CDH18: variants seen among roughly 807,000 people sequenced by gnomAD.
CDH18 encodes the protein cadherin 18, also known as cadherin-18.
A neutral mutation model predicts 67.9 loss-of-function variants in CDH18; 31 were observed. The observed-to-expected ratio is 0.46, with a 90% confidence interval of 0.34 to 0.62. The LOEUF (loss-of-function observed/expected upper bound fraction) is 0.62, where lower values mean the gene tolerates loss of function less well. Among genes scored for constraint, CDH18 ranks in the 20% least tolerant of loss-of-function variants. CDH18 has a pLI of 0.01. For synonymous variants in CDH18, 362 were observed against 347.2 expected (o/e 1.04, Z -0.48); for missense variants, 890 against 975.5 (o/e 0.91, Z 1.17).
intron 1 of CDH18, among the ~76,000 whole-genome samples, chr5:20,302,430 G>C (rs1407212248): frequency 2.0e-5 from 3 of 152,058 alleles, no homozygotes; most frequent in Non-Finnish European, 4.4e-5. Flanking sequence ...TTCCTCCCTA[G>C]GTGCCTACTA....
chr5:19,668,058 T>C (rs536679821), intron 5 of CDH18, among the ~76,000 whole-genome samples: 1 of 152,168 alleles, frequency 6.6e-6, no homozygotes, highest in South Asian at 2.1e-4. Flanking sequence ...TCATAGTCAG[T>C]ATACATATTT....
At chr5:20,058,198 G>A (rs1207011367) in intron 2 of CDH18, among the ~76,000 whole-genome samples, 2 of 152,046 alleles carry the variant, frequency 1.3e-5, no homozygotes, top group Non-Finnish European at 2.9e-5. Context: ...TAGTACTCTA[G>A]AATTGTATTA....
intron 2 of CDH18, among the ~76,000 whole-genome samples, chr5:19,915,563 A>G (rs769770123): frequency 2.6e-5 from 4 of 152,158 alleles, no homozygotes; most frequent in Non-Finnish European, 4.4e-5. Flanking sequence ...TTTGAATGTT[A>G]TATATTTCTA....
chr5:20,388,523 C>T (rs1297938848), intron 1 of CDH18, among the ~76,000 whole-genome samples: 3 of 152,068 alleles, frequency 2.0e-5, no homozygotes, highest in African/African-American at 7.2e-5. Flanking sequence ...AAACCAGCTC[C>T]TAGATTCCTT....
At chr5:19,986,365 T>C (rs534477396) in intron 1 of CDH18, among the ~76,000 whole-genome samples, 1 of 152,322 alleles carries the variant, frequency 6.6e-6, no homozygotes, top group African/African-American at 2.4e-5. Flanking sequence ...ACTATTATAT[T>C]CTCCTTTGCT....
At chr5:19,566,329 G>A (rs1048742964) in intron 8 of CDH18, among the ~76,000 whole-genome samples, 33 of 152,174 alleles carry the variant, frequency 2.2e-4, no homozygotes, top group Non-Finnish European at 1.5e-5. Flanking sequence ...TTTCTTAAAA[G>A]CTAAACATAG....
At chr5:20,304,632 G>A (rs566586781) in intron 1 of CDH18, 3 of 1,611,906 alleles carry the variant, frequency 1.9e-6, no homozygotes, top group Non-Finnish European at 1.7e-6. Flanking sequence ...CTTTCTTGCC[G>A]AAATTAAATG....
intron 5 of CDH18, among the ~76,000 whole-genome samples, chr5:19,621,870 G>T (rs1750774509): frequency 6.6e-6 from 1 of 152,162 alleles, no homozygotes; most frequent in African/African-American, 2.4e-5. Context: ...AGTAAATAAT[G>T]CAGCCAGTAA....
intron 2 of CDH18, among the ~76,000 whole-genome samples, chr5:20,151,022 A>C (rs1751052645): frequency 6.6e-6 from 1 of 151,534 alleles, no homozygotes; most frequent in Middle Eastern, 3.4e-3. Flanking sequence ...TTTTTATTTC[A>C]ATTTTTTTTT....
rs1737639120 is a variant in CDH18 at position 19,471,402 on chromosome 5, T to C, written c.*1824A>G. Among the ~76,000 whole-genome samples, 1 of 152,124 alleles carries C rather than the reference T, an allele frequency of 6.6e-6. No homozygotes were observed. The highest frequency in any genetic ancestry group is 1.5e-5 in the Non-Finnish European group (1 of 68,008). ...TCCCATACCTCAAATTATAATATGA[T>C]AGCACAGGGCAATTGCAAACAGAGG... On this transcript the variant is annotated 3_prime_UTR_variant, in exon 13 of 13. Transcript: ENST00000382275.
At chr5:19,620,740 A>G (rs1324883832) in intron 5 of CDH18, among the ~76,000 whole-genome samples, 1 of 152,060 alleles carries the variant, frequency 6.6e-6, no homozygotes, top group Admixed American at 6.6e-5. Flanking sequence ...TTAGTATTCA[A>G]TGTGATCTGT....
chr5:20,519,477 G>T (rs1361283391), intron 1 of CDH18, among the ~76,000 whole-genome samples: 1 of 152,100 alleles, frequency 6.6e-6, no homozygotes, highest in African/African-American at 2.4e-5. Context: ...TTGTGGAGTG[G>T]GAGGAGAGGG....
intron 9 of CDH18, among the ~76,000 whole-genome samples, chr5:19,523,539 TAGG>T (rs907012058): frequency 1.0e-5 from 1 of 100,470 alleles, no homozygotes; most frequent in African/African-American, 5.1e-5. Flanking sequence ...CAACAGTTAA[TAGG>T]AGATAATATA....
At chr5:19,959,597 T>C (rs1375702144) in intron 2 of CDH18, among the ~76,000 whole-genome samples, 1 of 152,126 alleles carries the variant, frequency 6.6e-6, no homozygotes, top group Non-Finnish European at 1.5e-5. Context: ...TTATCTCTAA[T>C]GTTCTGTTAC....
At chr5:19,557,656 A>T (rs932260624) in intron 8 of CDH18, among the ~76,000 whole-genome samples, 5 of 152,058 alleles carry the variant, frequency 3.3e-5, no homozygotes, top group Non-Finnish European at 5.9e-5. Context: ...AGTTACTACT[A>T]AACCAAAGAA....
At chr5:19,557,838 A>G in intron 8 of CDH18, among the ~76,000 whole-genome samples, 1 of 152,250 alleles carries the variant, frequency 6.6e-6, no homozygotes, top group East Asian at 1.9e-4. Flanking sequence ...ACTGCAGAAT[A>G]TTCATTCTAT....
At chr5:19,639,111 TCC>T (rs1753669732) in intron 5 of CDH18, among the ~76,000 whole-genome samples, 1 of 150,810 alleles carries the variant, frequency 6.6e-6, no homozygotes, top group Non-Finnish European at 1.5e-5. Flanking sequence ...CACGCCATTC[TCC>T]TGGCTCAGCT....
intron 11 of CDH18, among the ~76,000 whole-genome samples, chr5:19,489,458 AG>A (rs751639951): frequency 1.3e-5 from 2 of 152,020 alleles, no homozygotes; most frequent in Non-Finnish European, 2.9e-5. Flanking sequence ...CATGTTGGCC[AG>A]GCTGGTCTCA....
intron 2 of CDH18, among the ~76,000 whole-genome samples, chr5:20,122,402 CA>C (rs1364141638): frequency 6.6e-6 from 1 of 152,092 alleles, no homozygotes; most frequent in East Asian, 1.9e-4. Flanking sequence ...TAATGATCCA[CA>C]AAATGTTATG....
Sources: gnomAD v4.1 joint callset for allele counts (sites outside exome capture counted in the v4.1 genomes callset) on GRCh38, gnomAD v4.1.1 for gene constraint, MANE v1.5 for transcripts, NCBI Gene and HGNC (gene_info 2026-07-23, HGNC 2026-07-21) for gene names.